Variants in KREMEN1 observed in about 807,000 individuals in gnomAD.
KREMEN1 encodes kremen protein 1.
Under a neutral mutation model 46.5 loss-of-function variants are expected in KREMEN1, and 30 were observed. The observed-to-expected ratio is 0.65, with a 90% CI of 0.48 to 0.88. KREMEN1 has a LOEUF of 0.88. Ranked by LOEUF, KREMEN1 falls within the 40% of genes least tolerant of loss-of-function variation. KREMEN1 has a pLI of 0.00. For synonymous variants in KREMEN1, 214 were observed against 230.6 expected, an observed-to-expected ratio of 0.93 and a Z score of 0.65; for missense variants, 533 against 596.9, an observed-to-expected ratio of 0.89 and a Z score of 1.11.
intron 2 of KREMEN1, among the ~76,000 whole-genome samples, chr22:29,095,514 AATT>A (rs2037870578): frequency 6.6e-6 from 1 of 152,190 alleles, no homozygotes; most frequent in Non-Finnish European, 1.5e-5. Context: ...CATTGAATTT[AATT>A]ATTATTAGTA....
chr22:29,144,892 AG>A lies in KREMEN1; in HGVS notation c.*2782del. ...GCAGCACTTCCTCGGAGGGCCTGGG[AG>A]GTGCTGGGGATGCCCCAGCGCTTCT... On this transcript the variant is annotated 3_prime_UTR_variant, in exon 9 of 9. Coordinates refer to ENST00000400335, the MANE Select transcript of KREMEN1 (RefSeq NM_001039570.3). The A allele has an allele frequency of 1.0e-5, 10 of 985,516 alleles. No individual in the cohort carries two copies. Among genetic ancestry groups the A allele is most frequent in the Non-Finnish European group, 1.2e-5 (10 of 830,020 alleles). The allele number at this position is 985,516 out of a possible 1,614,324, so 61.0% of individuals were successfully genotyped here.
At chr22:29,099,712 A>G (rs1221042381) in intron 3 of KREMEN1, among the ~76,000 whole-genome samples, 39 of 151,830 alleles carry the variant, frequency 2.6e-4, no homozygotes, top group Admixed American at 2.6e-3. Flanking sequence ...CACCACGCCC[A>G]GCTAATTTTT....
intron 1 of KREMEN1, among the ~76,000 whole-genome samples, chr22:29,081,526 C>T (rs1011442825): frequency 1.3e-5 from 2 of 152,134 alleles, no homozygotes; most frequent in Admixed American, 6.5e-5. Context: ...CAACCCTAAT[C>T]GAGCTTCATG....
chr22:29,078,571 A>G (rs1335987662), intron 1 of KREMEN1, among the ~76,000 whole-genome samples: 1 of 152,126 alleles, frequency 6.6e-6, no homozygotes, highest in Non-Finnish European at 1.5e-5. Flanking sequence ...CTGTTGTCAT[A>G]TTTAAAGTCG....
At chr22:29,153,826 C>G (rs2038937939) in intron 9 of KREMEN1, among the ~76,000 whole-genome samples, 3 of 151,938 alleles carry the variant, frequency 2.0e-5, no homozygotes, top group Middle Eastern at 3.4e-3. Context: ...ACTAAAGATA[C>G]AAAAAAATCA....
rs2038800663 is a variant in KREMEN1 at position 29,143,392 on chromosome 22, T to G, written c.*1280T>G. ...GTGTTTTTGCCCTTAGGCAGCACTA[T>G]ATGAGACATGGGGCCTGTGGTCCTT... On this transcript the variant is annotated 3_prime_UTR_variant, in exon 9 of 9. Transcript: ENST00000400335. The G allele has an allele frequency of 1.0e-6, 1 of 985,320 alleles. No homozygotes were observed. The highest frequency in any genetic ancestry group is 1.7e-5 in the African/African-American group (1 of 57,214). The allele number at this position is 985,320 out of a possible 1,614,324, so 61.0% of individuals were successfully genotyped here.
chr22:29,075,078 C>G (rs540190950), intron 1 of KREMEN1, among the ~76,000 whole-genome samples: 1 of 152,190 alleles, frequency 6.6e-6, no homozygotes, highest in African/African-American at 2.4e-5. Flanking sequence ...GTGTTGTAAA[C>G]CTGAGGCTCA....
At chr22:29,077,354 T>C (rs1475964392) in intron 1 of KREMEN1, among the ~76,000 whole-genome samples, 1 of 152,182 alleles carries the variant, frequency 6.6e-6, no homozygotes, top group Non-Finnish European at 1.5e-5. Flanking sequence ...CCTATTTTTA[T>C]TTATTTTTTT....
intron 3 of KREMEN1, among the ~76,000 whole-genome samples, chr22:29,105,238 A>G (rs373807653): frequency 1.3e-5 from 2 of 152,264 alleles, no homozygotes; most frequent in African/African-American, 4.8e-5. Context: ...TCTCTACTTT[A>G]AAGTACATCC....
intron 3 of KREMEN1, among the ~76,000 whole-genome samples, chr22:29,107,304 A>T (rs2038077691): frequency 6.8e-6 from 1 of 147,652 alleles, no homozygotes; most frequent in Admixed American, 6.8e-5. Flanking sequence ...GCTCACTGCA[A>T]CCTCTGCCTT....
chr22:29,140,166 A>G (rs1265136481), intron 7 of KREMEN1, 116 bp from the exon 8 acceptor site: 15 of 781,510 alleles, frequency 1.9e-5, no homozygotes, highest in Non-Finnish European at 3.1e-5. Flanking sequence ...CTGCCCTCCC[A>G]CACCGGCCTG....
intron 1 of KREMEN1, among the ~76,000 whole-genome samples, chr22:29,081,003 T>A (rs1328979303): frequency 1.3e-5 from 2 of 151,830 alleles, no homozygotes; most frequent in Non-Finnish European, 2.9e-5. Flanking sequence ...ATTTTTTTTT[T>A]TATACTTTAA....
chr22:29,087,567 CA>C (rs1423523266), intron 1 of KREMEN1, among the ~76,000 whole-genome samples: 1 of 119,032 alleles, frequency 8.4e-6, no homozygotes, highest in Non-Finnish European at 1.9e-5. Context: ...TTATACATGT[CA>C]AGTTTTTTTT....
chr22:29,100,125 T>C (rs1373484785), intron 3 of KREMEN1, among the ~76,000 whole-genome samples: 16 of 143,624 alleles, frequency 1.1e-4, no homozygotes, highest in Admixed American at 9.2e-4. Flanking sequence ...AGAGTCTCAC[T>C]CTGTCTCCCA....
At chr22:29,077,766 G>A (rs1054313205) in intron 1 of KREMEN1, among the ~76,000 whole-genome samples, 1 of 152,156 alleles carries the variant, frequency 6.6e-6, no homozygotes, top group Non-Finnish European at 1.5e-5. Context: ...GTGTTCACTG[G>A]TCTAGAAAAG....
Position 29,145,666 on chromosome 22 carries a change from G to A in KREMEN1, c.*3554G>A, listed in dbSNP as rs2145861405. 1 of 985,544 alleles carries A rather than the reference G, an allele frequency of 1.0e-6. No individual in the cohort carries two copies. The highest frequency in any genetic ancestry group is 1.2e-6 in the Non-Finnish European group (1 of 829,994). The allele number at this position is 985,544 out of a possible 1,614,324, so 61.0% of individuals were successfully genotyped here. On this transcript the variant is annotated 3_prime_UTR_variant, in exon 9 of 9. Transcript: ENST00000400335. ...CCCCGTTTGTCCAGTTGCTTGCAAA[G>A]CAGAGAATGAGTAGGAGTGAACCCG...
chr22:29,092,566 A>C (rs1269332561), intron 1 of KREMEN1, among the ~76,000 whole-genome samples: 1 of 152,228 alleles, frequency 6.6e-6, no homozygotes, highest in Non-Finnish European at 1.5e-5. Context: ...TGCCTCCTTC[A>C]ATTTATGCCT....
In KREMEN1 at chr22:29,141,226, CGT is replaced by C. The variant is rs132278; in HGVS notation, c.1209-695_1209-694del. ...AAATTTTTAGTGGAAATAATGTCCT[CGT>C]GTGTGTGTGTGTGTGTGTGTGTCTG... On this transcript the variant is annotated intron_variant, in intron 8 of 8. Transcript: ENST00000400335. Among the ~76,000 whole-genome samples the C allele has an allele frequency of 2.4e-3, 363 of 148,598 alleles. 1 individual carries two copies. Among genetic ancestry groups the C allele is most frequent in the Admixed American group, 3.4e-3 (51 of 14,818 alleles).
intron 9 of KREMEN1, among the ~76,000 whole-genome samples, chr22:29,154,041 A>G (rs1303073971): frequency 1.3e-5 from 2 of 152,158 alleles, no homozygotes; most frequent in South Asian, 2.1e-4. Context: ...ATTAAATGAA[A>G]TAAGAAAGGT....
Sources: allele counts gnomAD v4.1 joint callset (sites outside exome capture counted in the v4.1 genomes callset), GRCh38; gene constraint gnomAD v4.1.1; transcripts MANE v1.5; gene names NCBI Gene and HGNC (gene_info 2026-07-23, HGNC 2026-07-21).